Variants in RSRC1 observed in about 807,000 individuals in gnomAD.
RSRC1 encodes arginine and serine rich coiled-coil 1.
A neutral mutation model predicts 49.1 loss-of-function variants in RSRC1; 39 were observed. The ratio of observed to expected loss-of-function variants is 0.79; its 90% CI spans 0.61 to 1.04. The LOEUF is 1.04. Among genes scored for constraint, RSRC1 ranks in the 50% least tolerant of loss-of-function variants. The pLI, the probability that RSRC1 is intolerant of heterozygous loss-of-function variation, is 0.00. For missense variants in RSRC1, 388 were observed against 402.4 expected (o/e 0.96, Z 0.31); for synonymous variants, 143 against 130.8 (o/e 1.09, Z -0.63).
chr3:158,382,259 T>C (rs1732743595), intron 6 of RSRC1, among the ~76,000 whole-genome samples: 1 of 152,180 alleles, frequency 6.6e-6, no homozygotes, highest in African/African-American at 2.4e-5. Context: ...TAATAGTGCC[T>C]TCTGTAATAT....
At chr3:158,213,488 T>G (rs1167265836) in intron 4 of RSRC1, among the ~76,000 whole-genome samples, 1 of 128,298 alleles carries the variant, frequency 7.8e-6, no homozygotes, top group African/African-American at 2.8e-5. Context: ...TCTCAGAGAA[T>G]GAACCTTGTG....
At chr3:158,432,724 C>T (rs770578109) in intron 6 of RSRC1, among the ~76,000 whole-genome samples, 2 of 151,922 alleles carry the variant, frequency 1.3e-5, no homozygotes, top group African/African-American at 2.4e-5. Flanking sequence ...GAAATATAAA[C>T]TAGCCTAAAA....
At chr3:158,466,458 A>G (rs1353914021) in intron 7 of RSRC1, among the ~76,000 whole-genome samples, 1 of 152,200 alleles carries the variant, frequency 6.6e-6, no homozygotes, top group African/African-American at 2.4e-5. Context: ...CAGGCTTTCT[A>G]TTCAGTCAGA....
chr3:158,325,306 G>A (rs1328103278), intron 5 of RSRC1, among the ~76,000 whole-genome samples: 1 of 152,190 alleles, frequency 6.6e-6, no homozygotes, highest in Non-Finnish European at 1.5e-5. Flanking sequence ...ACTTGCCCAT[G>A]CCTAAGTCCT....
chr3:158,277,639 G>A (rs1289570215), intron 4 of RSRC1, among the ~76,000 whole-genome samples: 2 of 152,134 alleles, frequency 1.3e-5, no homozygotes, highest in Non-Finnish European at 2.9e-5. Flanking sequence ...TGACAGCATG[G>A]GAAGTATATA....
chr3:158,112,860 T>G (rs1048420692), intron 1 of RSRC1, among the ~76,000 whole-genome samples: 2 of 152,126 alleles, frequency 1.3e-5, no homozygotes, highest in African/African-American at 4.8e-5. Flanking sequence ...GTGTTCTCAA[T>G]ATTCAGCTCC....
intron 5 of RSRC1, among the ~76,000 whole-genome samples, chr3:158,348,892 C>T (rs1463745666): frequency 3.9e-5 from 6 of 152,148 alleles, no homozygotes; most frequent in South Asian, 2.1e-4. Context: ...TGGCCTACAG[C>T]TTCATCTAGG....
At chr3:158,116,757 T>A (rs927228908) in intron 1 of RSRC1, among the ~76,000 whole-genome samples, 2 of 152,094 alleles carry the variant, frequency 1.3e-5, no homozygotes, top group African/African-American at 4.8e-5. Context: ...GTTGTAGAGA[T>A]CCCCAAGGGT....
intron 3 of RSRC1, among the ~76,000 whole-genome samples, chr3:158,177,836 A>G (rs1426445881): frequency 1.3e-5 from 2 of 152,160 alleles, no homozygotes; most frequent in Non-Finnish European, 2.9e-5. Context: ...ATAACTTTAT[A>G]TCAATATTTA....
chr3:158,204,364 G>T (rs941444675), intron 4 of RSRC1, among the ~76,000 whole-genome samples: 2 of 152,108 alleles, frequency 1.3e-5, no homozygotes, highest in African/African-American at 4.8e-5. Context: ...ATTATTATGT[G>T]ACTTTTGTTC....
At chr3:158,111,259 T>A (rs975143679) in intron 1 of RSRC1, among the ~76,000 whole-genome samples, 1 of 152,238 alleles carries the variant, frequency 6.6e-6, no homozygotes, top group Non-Finnish European at 1.5e-5. Context: ...ATTCACTTTC[T>A]TTGCAGGCAA....
At chr3:158,187,435 T>A (rs827161) in intron 3 of RSRC1, among the ~76,000 whole-genome samples, 87,949 of 151,856 alleles carry the variant, frequency 0.58, 25,779 homozygotes, top group East Asian at 0.73. Flanking sequence ...ATTTACTAGC[T>A]TTGCATTCTC....
intron 6 of RSRC1, among the ~76,000 whole-genome samples, chr3:158,360,881 G>C (rs1731429481): frequency 6.6e-6 from 1 of 152,198 alleles, no homozygotes; most frequent in Non-Finnish European, 1.5e-5. Context: ...CAGGGCTGCT[G>C]CCTGCTCCTG....
At chr3:158,476,654 T>C (rs1254474882) in intron 7 of RSRC1, among the ~76,000 whole-genome samples, 2 of 152,168 alleles carry the variant, frequency 1.3e-5, no homozygotes, top group Non-Finnish European at 2.9e-5. Flanking sequence ...TGAGGCATAC[T>C]GCTCAGAAAA....
intron 7 of RSRC1, among the ~76,000 whole-genome samples, chr3:158,528,354 G>T (rs999591183): frequency 6.6e-6 from 1 of 151,942 alleles, no homozygotes; most frequent in Non-Finnish European, 1.5e-5. Flanking sequence ...CTAGTGGCTT[G>T]ATTAATGGCT....
At chr3:158,277,000 G>A (rs1425965209) in intron 4 of RSRC1, among the ~76,000 whole-genome samples, 4 of 152,050 alleles carry the variant, frequency 2.6e-5, no homozygotes, top group African/African-American at 9.7e-5. Context: ...AACTTTTTCA[G>A]CAAAGGGCTA....
chr3:158,324,234 A>ATT (rs1488475928), intron 5 of RSRC1, among the ~76,000 whole-genome samples: 3 of 29,354 alleles, frequency 1.0e-4, no homozygotes, highest in Admixed American at 5.3e-4. Context: ...TCATTGTGCA[A>ATT]ATTTTTTTTT....
In RSRC1 at chr3:158,441,970, G is replaced by T. The variant is rs113225607; in HGVS notation, c.584-18965G>T. Among the ~76,000 whole-genome samples the T allele has an allele frequency of 7.3e-3, 1,109 of 152,126 alleles. 17 individuals are homozygous for T. The highest frequency in any genetic ancestry group is 0.026 in the African/African-American group (1,072 of 41,518). ...CAGTAATGCAAATCACAAATTTTTTGATTTCCCTACCAGTGCATATAAAAG... is the reference window on the plus strand; with the variant it reads ...CAGTAATGCAAATCACAAATTTTTTTATTTCCCTACCAGTGCATATAAAAG... On this transcript the variant is annotated intron_variant, in intron 6 of 9. Coordinates refer to ENST00000611884, the MANE Select transcript of RSRC1 (RefSeq NM_001271838.2).
chr3:158,175,420 C>G (rs1719144829), intron 3 of RSRC1, among the ~76,000 whole-genome samples: 1 of 152,002 alleles, frequency 6.6e-6, no homozygotes, highest in South Asian at 2.1e-4. Context: ...CTTAGAAACT[C>G]TATCATTGTA....
Sources: gnomAD v4.1 joint callset for allele counts (sites outside exome capture counted in the v4.1 genomes callset) on GRCh38, gnomAD v4.1.1 for gene constraint, MANE v1.5 for transcripts, NCBI Gene and HGNC (gene_info 2026-07-23, HGNC 2026-07-21) for gene names.